The following EXOC6B variants were observed in gnomAD, a reference collection of about 807,000 sequenced individuals.
EXOC6B encodes the protein exocyst complex component 6B, also known as SEC15 homolog B.
A neutral mutation model predicts 113.5 loss-of-function variants in EXOC6B; 54 were observed. The observed-to-expected ratio is 0.48, with a 90% CI of 0.38 to 0.60. EXOC6B has a LOEUF of 0.60. Ranked by LOEUF, EXOC6B falls within the 20% of genes least tolerant of loss-of-function variation. The pLI, the probability that EXOC6B is intolerant of heterozygous loss-of-function variation, is 0.00. For missense variants in EXOC6B, 797 were observed against 977.5 expected, an observed-to-expected ratio of 0.82 and a Z score of 2.46; for synonymous variants, 357 against 339.0, an observed-to-expected ratio of 1.05 and a Z score of -0.58.
At chr2:72,592,779 G>T (rs1235336451) in intron 6 of EXOC6B, among the ~76,000 whole-genome samples, 2 of 152,132 alleles carry the variant, frequency 1.3e-5, no homozygotes, top group Admixed American at 6.6e-5. Flanking sequence ...TTTTGTCCCT[G>T]GTTTCTGGCA....
At chr2:72,442,525 T>C (rs1426583826) in intron 18 of EXOC6B, among the ~76,000 whole-genome samples, 1 of 152,182 alleles carries the variant, frequency 6.6e-6, no homozygotes, top group African/African-American at 2.4e-5. Context: ...CTTAAGCTGA[T>C]AAACAACTTC....
chr2:72,529,415 T>A (rs1701888392), intron 8 of EXOC6B, among the ~76,000 whole-genome samples: 1 of 152,218 alleles, frequency 6.6e-6, no homozygotes, highest in East Asian at 1.9e-4. Context: ...GGAATATTAA[T>A]CTGTAGTTTC....
chr2:72,676,236 C>A (rs1162503085), intron 6 of EXOC6B, among the ~76,000 whole-genome samples: 1 of 152,012 alleles, frequency 6.6e-6, no homozygotes, highest in African/African-American at 2.4e-5. Context: ...ATGCCCTGGC[C>A]ATTTTCTGTC....
chr2:72,758,095 C>T (rs777212608), intron 1 of EXOC6B, among the ~76,000 whole-genome samples: 4 of 145,622 alleles, frequency 2.7e-5, no homozygotes, highest in Admixed American at 1.4e-4. Context: ...CCTTACAGGT[C>T]GAGGCTGCAG....
intron 6 of EXOC6B, among the ~76,000 whole-genome samples, chr2:72,654,070 C>T (rs1296532520): frequency 2.0e-5 from 3 of 151,266 alleles, no homozygotes; most frequent in Non-Finnish European, 2.9e-5. Flanking sequence ...CCTGGGTTTG[C>T]GCCATTCTCC....
intron 18 of EXOC6B, among the ~76,000 whole-genome samples, chr2:72,439,979 G>A (rs371905561): frequency 6.6e-6 from 1 of 152,006 alleles, no homozygotes; most frequent in African/African-American, 2.4e-5. Context: ...TAGGCACCTC[G>A]AATTTTTGGG....
At chr2:72,386,198 C>T (rs1692016542) in intron 18 of EXOC6B, among the ~76,000 whole-genome samples, 1 of 151,516 alleles carries the variant, frequency 6.6e-6, no homozygotes, top group East Asian at 1.9e-4. Flanking sequence ...ACCACATATG[C>T]TCATAGGCAT....
chr2:72,492,493 T>C (rs920887742), intron 15 of EXOC6B, 64 bp from the exon 16 acceptor site: 5 of 924,088 alleles, frequency 5.4e-6, no homozygotes, highest in Non-Finnish European at 8.9e-6. Context: ...AAACAAACGG[T>C]GCCAGTGGTA....
intron 6 of EXOC6B, among the ~76,000 whole-genome samples, chr2:72,637,376 T>C (rs1384948459): frequency 2.0e-5 from 3 of 152,198 alleles, no homozygotes; most frequent in East Asian, 3.9e-4. Context: ...TTTTGCAAAC[T>C]ATCCACCAAT....
chr2:72,636,179 T>C (rs955114253), intron 6 of EXOC6B, among the ~76,000 whole-genome samples: 2 of 151,830 alleles, frequency 1.3e-5, no homozygotes, highest in Non-Finnish European at 2.9e-5. Flanking sequence ...GCTATCATCA[T>C]GCCACTGCAT....
chr2:72,206,661 T>C (rs879297374), intron 20 of EXOC6B, among the ~76,000 whole-genome samples: 1 of 152,170 alleles, frequency 6.6e-6, no homozygotes, highest in Admixed American at 6.5e-5. Flanking sequence ...GGACACACAG[T>C]AGAACCTCAA....
intron 6 of EXOC6B, among the ~76,000 whole-genome samples, chr2:72,673,643 G>A (rs1309981865): frequency 6.6e-6 from 1 of 151,758 alleles, no homozygotes; most frequent in African/African-American, 2.4e-5. Context: ...GTGTTTAAAG[G>A]GAGATCCAGT....
At chr2:72,465,042 C>A (rs888397190) in intron 18 of EXOC6B, 118 bp downstream of exon 18, 5 of 785,506 alleles carry the variant, frequency 6.4e-6, no homozygotes, top group South Asian at 5.1e-5. Context: ...ATAGCATGCG[C>A]CTTTATATAC....
chr2:72,240,584 G>A (rs1276188588), intron 20 of EXOC6B, among the ~76,000 whole-genome samples: 1 of 152,280 alleles, frequency 6.6e-6, no homozygotes, highest in Non-Finnish European at 1.5e-5. Flanking sequence ...TTAAAAGGAT[G>A]AGGTTGTCCA....
chr2:72,755,610 G>C (rs1255503553), intron 1 of EXOC6B, among the ~76,000 whole-genome samples: 1 of 152,120 alleles, frequency 6.6e-6, no homozygotes, highest in African/African-American at 2.4e-5. Context: ...CAGCTAAAAT[G>C]TTAAACAGAA....
chr2:72,365,318 A>C (rs1360613128), intron 19 of EXOC6B, among the ~76,000 whole-genome samples: 1 of 152,202 alleles, frequency 6.6e-6, no homozygotes, highest in African/African-American at 2.4e-5. Flanking sequence ...TAATAGGCAC[A>C]GCACTAATCT....
intron 20 of EXOC6B, among the ~76,000 whole-genome samples, chr2:72,226,370 C>T (rs1327253153): frequency 6.6e-6 from 1 of 152,098 alleles, no homozygotes; most frequent in Non-Finnish European, 1.5e-5. Flanking sequence ...AGTAAGGGCA[C>T]ACAGGCACTC....
chr2:72,404,249 G>A (rs947513961), intron 18 of EXOC6B, among the ~76,000 whole-genome samples: 1 of 152,342 alleles, frequency 6.6e-6, no homozygotes, highest in South Asian at 2.1e-4. Context: ...AGCTCAAGGA[G>A]GCCTGCCTGC....
intron 6 of EXOC6B, among the ~76,000 whole-genome samples, chr2:72,647,572 C>T (rs1208705571): frequency 6.6e-6 from 1 of 152,052 alleles, no homozygotes; most frequent in East Asian, 1.9e-4. Flanking sequence ...GTACTAGTAC[C>T]AAAACACAGA....
Sources: gnomAD v4.1 joint callset for allele counts (sites outside exome capture counted in the v4.1 genomes callset) on GRCh38, gnomAD v4.1.1 for gene constraint, MANE v1.5 for transcripts, NCBI Gene and HGNC (gene_info 2026-07-23, HGNC 2026-07-21) for gene names.